PCSK2: variants seen among roughly 807,000 people sequenced by gnomAD.
PCSK2 encodes neuroendocrine convertase 2.
Under a neutral mutation model 69.7 loss-of-function variants are expected in PCSK2, and 14 were observed. That is an observed-to-expected ratio of 0.20 (90% CI 0.13 to 0.31). The LOEUF (loss-of-function observed/expected upper bound fraction) is 0.31, where lower values mean the gene tolerates loss of function less well. Among genes scored for constraint, PCSK2 ranks in the 10% least tolerant of loss-of-function variants. The probability of loss-of-function intolerance (pLI) is 1.00; values close to 1 mark genes in which losing one functional copy is unlikely to be tolerated. For synonymous variants in PCSK2, 307 were observed against 320.7 expected (o/e 0.96, Z 0.46); for missense variants, 544 against 842.5 (o/e 0.65, Z 4.39).
At position 17,332,599 on chromosome 20, in the gene PCSK2, G is replaced by A. The variant is rs1390698739; in HGVS notation, c.283-25728G>A. ...CCAGTGTCACTTGGGAATTGGTTAG[G>A]ATTTTCTAAGACCCTGCTCCAGACT... On this transcript the variant is annotated intron_variant, in intron 2 of 11. Transcript: ENST00000262545. Among the ~76,000 whole-genome samples, 3 of 152,150 alleles carry A rather than the reference G, an allele frequency of 2.0e-5. No homozygotes were observed. The East Asian group carries it at 5.8e-4, about 29-fold the overall frequency.
At chr20:17,463,494 T>G (rs1275040271) in intron 10 of PCSK2, 3 of 151,872 alleles carry the variant, frequency 2.0e-5, no homozygotes, top group Non-Finnish European at 2.9e-5. Context: ...GGAACTTGCT[T>G]CTTTTCTTTT....
At chr20:17,449,252 G>C (rs1202347447) in intron 8 of PCSK2, among the ~76,000 whole-genome samples, 1 of 151,992 alleles carries the variant, frequency 6.6e-6, no homozygotes, top group African/African-American at 2.4e-5. Context: ...TGGAGACCCC[G>C]CCCCCCAGCA....
intron 8 of PCSK2, among the ~76,000 whole-genome samples, chr20:17,439,130 T>C (rs1053650219): frequency 6.6e-6 from 1 of 152,088 alleles, no homozygotes; most frequent in Middle Eastern, 3.2e-3. Flanking sequence ...GACTAGGTTT[T>C]CTTCTACCTT....
At chr20:17,269,608 G>A (rs1987780244) in intron 2 of PCSK2, among the ~76,000 whole-genome samples, 1 of 152,134 alleles carries the variant, frequency 6.6e-6, no homozygotes, top group South Asian at 2.1e-4. Context: ...ATACTGATGT[G>A]TTTGGGCTGG....
rs138729719 is a variant in PCSK2 at position 17,268,920 on chromosome 20, G to A, written c.282+8576G>A. Among the ~76,000 whole-genome samples the A allele has an allele frequency of 2.2e-4, 34 of 152,300 alleles. No homozygotes were observed. In the South Asian group the frequency reaches 5.2e-3, roughly 23 times the overall value. On this transcript the variant is annotated intron_variant, in intron 2 of 11. Coordinates refer to ENST00000262545, the MANE Select transcript of PCSK2 (RefSeq NM_002594.5). ...TGTTGTGAAGGTAGTCTTCAAATTC[G>A]TTGATGCATTTGCTGATGGATTAGA...
At chr20:17,241,906 A>G (rs1245205605) in intron 1 of PCSK2, among the ~76,000 whole-genome samples, 1 of 152,212 alleles carries the variant, frequency 6.6e-6, no homozygotes, top group Non-Finnish European at 1.5e-5. Context: ...CTCATTTTTA[A>G]TTTTTTCTTT....
chr20:17,402,438 G>T (rs537618939), intron 5 of PCSK2, among the ~76,000 whole-genome samples: 1 of 152,108 alleles, frequency 6.6e-6, no homozygotes, highest in Non-Finnish European at 1.5e-5. Flanking sequence ...GGCTGAGGCA[G>T]GCAGATCACT....
chr20:17,318,134 C>T (rs2123124952), intron 2 of PCSK2, among the ~76,000 whole-genome samples: 1 of 152,352 alleles, frequency 6.6e-6, no homozygotes. Flanking sequence ...TTCTGATTTA[C>T]TTGCTTACAG....
intron 2 of PCSK2, among the ~76,000 whole-genome samples, chr20:17,292,938 C>T (rs150954938): frequency 0.075 from 11,413 of 152,124 alleles, 626 homozygotes; most frequent in South Asian, 0.28. Flanking sequence ...GATTCTCCTG[C>T]CTCAGCCTCC....
intron 5 of PCSK2, among the ~76,000 whole-genome samples, chr20:17,383,154 GC>G (rs1222727654): frequency 6.6e-6 from 1 of 152,154 alleles, no homozygotes; most frequent in Non-Finnish European, 1.5e-5. Context: ...TGACTGACTG[GC>G]TGAGGATTGA....
intron 2 of PCSK2, among the ~76,000 whole-genome samples, chr20:17,290,225 C>T (rs1411945909): frequency 1.3e-5 from 2 of 152,144 alleles, no homozygotes; most frequent in African/African-American, 2.4e-5. Context: ...CAGATCACTG[C>T]CTGGCACACA....
intron 7 of PCSK2, among the ~76,000 whole-genome samples, chr20:17,430,518 C>CTCTT (rs1447428405): frequency 7.9e-5 from 12 of 152,184 alleles, no homozygotes; most frequent in African/African-American, 2.9e-4. Flanking sequence ...CACTATTAAC[C>CTCTT]TCTTTTCAAC....
chr20:17,344,105 C>T (rs958425309), intron 2 of PCSK2, among the ~76,000 whole-genome samples: 2 of 152,214 alleles, frequency 1.3e-5, no homozygotes, highest in African/African-American at 2.4e-5. Context: ...ATTGCAAAGT[C>T]GATTCATTAC....
intron 2 of PCSK2, among the ~76,000 whole-genome samples, chr20:17,294,863 C>G (rs1988835255): frequency 6.6e-6 from 1 of 152,118 alleles, no homozygotes; most frequent in South Asian, 2.1e-4. Flanking sequence ...CTGTTCTCTT[C>G]TTCTCAAACT....
At chr20:17,301,196 G>A (rs1417651042) in intron 2 of PCSK2, among the ~76,000 whole-genome samples, 10 of 150,630 alleles carry the variant, frequency 6.6e-5, no homozygotes, top group Admixed American at 6.0e-4. Context: ...GTGAACTTAG[G>A]TCTTAGGATA....
intron 8 of PCSK2, among the ~76,000 whole-genome samples, chr20:17,450,717 T>TC (rs2123376773): frequency 6.6e-6 from 1 of 152,258 alleles, no homozygotes; most frequent in Non-Finnish European, 1.5e-5. Context: ...CACTGGGTCT[T>TC]CCCATGGTGG....
At chr20:17,397,607 T>A (rs1406272921) in intron 5 of PCSK2, among the ~76,000 whole-genome samples, 1 of 152,084 alleles carries the variant, frequency 6.6e-6, no homozygotes, top group Admixed American at 6.5e-5. Context: ...GCCTCCCAAG[T>A]AGCTGAGATT....
intron 4 of PCSK2, 104 bp from the exon 5 acceptor site, chr20:17,369,136 C>T: frequency 1.1e-6 from 1 of 937,208 alleles, no homozygotes; most frequent in Non-Finnish European, 1.7e-6. Flanking sequence ...GGCAAGCCTT[C>T]TGGCACCAGC....
At chr20:17,303,561 T>A (rs1989226174) in intron 2 of PCSK2, among the ~76,000 whole-genome samples, 1 of 105,542 alleles carries the variant, frequency 9.5e-6, no homozygotes, top group Non-Finnish European at 1.8e-5. Context: ...TAATATATAT[T>A]ATATAATATA....
Sources: allele counts gnomAD v4.1 joint callset (sites outside exome capture counted in the v4.1 genomes callset), GRCh38; gene constraint gnomAD v4.1.1; transcripts MANE v1.5; gene names NCBI Gene and HGNC (gene_info 2026-07-23, HGNC 2026-07-21).